Variants in ERC2 observed in about 807,000 individuals in gnomAD.
The protein encoded by ERC2 is ERC protein 2.
Under a neutral mutation model 114.8 loss-of-function variants are expected in ERC2, and 42 were observed. The ratio of observed to expected loss-of-function variants is 0.37; its 90% CI spans 0.29 to 0.47. The LOEUF (loss-of-function observed/expected upper bound fraction) is 0.47. Ranked by LOEUF, ERC2 falls within the 20% of genes least tolerant of loss-of-function variation. The pLI, the probability that ERC2 is intolerant of heterozygous loss-of-function variation, is 0.99. For missense variants in ERC2, 939 were observed against 1,150.7 expected (o/e 0.82, Z 2.66); for synonymous variants, 454 against 425.5 (o/e 1.07, Z -0.82).
intron 2 of ERC2, among the ~76,000 whole-genome samples, chr3:56,428,431 G>A (rs2061657382): frequency 6.6e-6 from 1 of 151,838 alleles, no homozygotes; most frequent in African/African-American, 2.4e-5. Flanking sequence ...TGAGGCAGGA[G>A]GATTCCCTGA....
intron 9 of ERC2, among the ~76,000 whole-genome samples, chr3:56,007,840 A>G (rs1278899599): frequency 6.6e-6 from 1 of 152,156 alleles, no homozygotes; most frequent in Admixed American, 6.6e-5. Context: ...GAAAATTAAC[A>G]TAAAATTATT....
chr3:55,671,895 A>G (rs1010804316), intron 17 of ERC2, among the ~76,000 whole-genome samples: 4 of 152,202 alleles, frequency 2.6e-5, no homozygotes, highest in African/African-American at 7.2e-5. Flanking sequence ...AGCAATAAGC[A>G]CAGCAAACGC....
chr3:56,034,262 T>G (rs2074654118), intron 7 of ERC2, among the ~76,000 whole-genome samples: 2 of 152,104 alleles, frequency 1.3e-5, no homozygotes, highest in Non-Finnish European at 2.9e-5. Context: ...AAAAGGGTCA[T>G]TTCATCAAGA....
intron 17 of ERC2, among the ~76,000 whole-genome samples, chr3:55,511,609 G>A (rs929197327): frequency 1.3e-5 from 2 of 152,080 alleles, no homozygotes; most frequent in East Asian, 1.9e-4. Context: ...CCACATAATC[G>A]GACTATATGT....
chr3:55,964,457 C>CA (rs2068606457), intron 12 of ERC2, among the ~76,000 whole-genome samples: 1 of 149,094 alleles, frequency 6.7e-6, no homozygotes, highest in Non-Finnish European at 1.5e-5. Context: ...AAGCTACAAT[C>CA]TTTTTTTTTT....
intron 14 of ERC2, among the ~76,000 whole-genome samples, chr3:55,767,873 G>T (rs2067919979): frequency 6.6e-6 from 1 of 152,166 alleles, no homozygotes; most frequent in African/African-American, 2.4e-5. Flanking sequence ...TGGTGATATG[G>T]TTTGGATTTG....
intron 17 of ERC2, among the ~76,000 whole-genome samples, chr3:55,631,795 A>C (rs1293089970): frequency 2.0e-5 from 3 of 152,238 alleles, no homozygotes; most frequent in Non-Finnish European, 4.4e-5. Flanking sequence ...GGCTTCTAAG[A>C]GAATTCCACA....
At chr3:55,923,803 G>A (rs537204309) in intron 13 of ERC2, among the ~76,000 whole-genome samples, 1 of 152,098 alleles carries the variant, frequency 6.6e-6, no homozygotes, top group South Asian at 2.1e-4. Context: ...TTTCTTCTGT[G>A]CACCAGCCCT....
chr3:56,019,637 C>A (rs1245444075), intron 7 of ERC2, among the ~76,000 whole-genome samples: 1 of 152,140 alleles, frequency 6.6e-6, no homozygotes, highest in East Asian at 1.9e-4. Flanking sequence ...AAGTACTAAA[C>A]ACTCCATTTG....
intron 13 of ERC2, among the ~76,000 whole-genome samples, chr3:55,904,884 T>C (rs2064340134): frequency 6.6e-6 from 1 of 152,232 alleles, no homozygotes; most frequent in Non-Finnish European, 1.5e-5. Context: ...CTCAGCCCGT[T>C]TTCACGGTCA....
At chr3:56,203,266 C>G (rs1294265510) in intron 3 of ERC2, among the ~76,000 whole-genome samples, 1 of 152,210 alleles carries the variant, frequency 6.6e-6, no homozygotes. Context: ...GAGAGATGGA[C>G]AGTGGCCTGA....
intron 2 of ERC2, among the ~76,000 whole-genome samples, chr3:56,314,238 G>C (rs916005367): frequency 6.6e-6 from 1 of 152,176 alleles, no homozygotes; most frequent in Non-Finnish European, 1.5e-5. Context: ...ACCTTGCGGA[G>C]GTGGGGGCTG....
intron 7 of ERC2, among the ~76,000 whole-genome samples, chr3:56,040,610 T>C (rs796502654): frequency 1.2e-5 from 1 of 81,336 alleles, no homozygotes; most frequent in Admixed American, 1.2e-4. Flanking sequence ...TATGTATATA[T>C]AATATATAGA....
intron 16 of ERC2, among the ~76,000 whole-genome samples, chr3:55,693,796 C>A (rs542288715): frequency 1.3e-5 from 2 of 151,932 alleles, no homozygotes; most frequent in Non-Finnish European, 2.9e-5. Context: ...GCCACCTCCA[C>A]CTCCCAGGTT....
intron 15 of ERC2, among the ~76,000 whole-genome samples, chr3:55,731,556 A>G (rs921275611): frequency 6.6e-6 from 1 of 152,214 alleles, no homozygotes; most frequent in Admixed American, 6.5e-5. Flanking sequence ...CTTGCCTGTA[A>G]TCACTCAGAT....
intron 13 of ERC2, among the ~76,000 whole-genome samples, chr3:55,925,298 G>A (rs946595895): frequency 5.3e-5 from 8 of 152,058 alleles, no homozygotes; most frequent in South Asian, 2.1e-4. Context: ...TCTTAGGTAC[G>A]GCAGTTATGA....
At chr3:56,431,232 T>G (rs2061776069) in intron 2 of ERC2, among the ~76,000 whole-genome samples, 1 of 152,176 alleles carries the variant, frequency 6.6e-6, no homozygotes, top group Non-Finnish European at 1.5e-5. Context: ...TCCCCAAACT[T>G]TATTTCACCT....
intron 3 of ERC2, among the ~76,000 whole-genome samples, chr3:56,258,064 C>G (rs1475447929): frequency 6.6e-6 from 1 of 152,134 alleles, no homozygotes; most frequent in Non-Finnish European, 1.5e-5. Context: ...AGCCTGAGAG[C>G]AAAAAGGGCA....
rs537599874 is a variant in ERC2, at chr3:56,429,855, TA to T, written c.657+4495del. On this transcript the variant is annotated intron_variant, in intron 2 of 17. Transcript: ENST00000288221. ...GTTCCAAATAGTCCTGCACTCCCTG[TA>T]ACACAGAGAGGGAGTTCAGCATCCT... Among the ~76,000 whole-genome samples, 188 of 152,292 alleles carry T rather than the reference TA, an allele frequency of 1.2e-3. 1 individual carries two copies. Among genetic ancestry groups the T allele is most frequent in the African/African-American group, 4.2e-3 (175 of 41,562 alleles).
Sources: allele counts gnomAD v4.1 joint callset (sites outside exome capture counted in the v4.1 genomes callset), GRCh38; gene constraint gnomAD v4.1.1; transcripts MANE v1.5; gene names NCBI Gene and HGNC (gene_info 2026-07-23, HGNC 2026-07-21).